The following SELENOF variants were observed in gnomAD, a reference collection of about 807,000 sequenced individuals.
SELENOF encodes the protein 15 kDa selenoprotein.
SELENOF carries 16 observed loss-of-function variants against 20.5 expected under a neutral mutation model. The ratio of observed to expected loss-of-function variants is 0.78; its 90% confidence interval spans 0.53 to 1.19. The LOEUF (loss-of-function observed/expected upper bound fraction) is 1.19. SELENOF is among the 50% of genes most tolerant of loss of function. The pLI is 0.00. For missense variants in SELENOF, 215 were observed against 194.2 expected, an observed-to-expected ratio of 1.11 and a Z score of -0.64; for synonymous variants, 78 against 74.5, an observed-to-expected ratio of 1.05 and a Z score of -0.24.
intron 3 of SELENOF, among the ~76,000 whole-genome samples, chr1:86,872,360 TTTTTG>T (rs1444126482): frequency 6.6e-6 from 1 of 152,102 alleles, no homozygotes; most frequent in African/African-American, 2.4e-5. Flanking sequence ...TCTGGCTCTT[TTTTTG>T]TTTTGTTTTG....
chr1:86,894,582 G>C (rs891812563), intron 2 of SELENOF, among the ~76,000 whole-genome samples: 4 of 152,150 alleles, frequency 2.6e-5, no homozygotes, highest in Non-Finnish European at 5.9e-5. Flanking sequence ...GTTTATGCTT[G>C]TAATCCCAGT....
At chr1:86,913,935 C>T (rs1358843750) in intron 1 of SELENOF, 93 bp downstream of exon 1, 1 of 1,213,656 alleles carries the variant, frequency 8.2e-7, no homozygotes, top group Non-Finnish European at 1.2e-6. Flanking sequence ...CAGTCCTCCC[C>T]ACCCTTTTCA....
In SELENOF at chr1:86,887,177, T is replaced by C. The variant is rs72945898; in HGVS notation, c.253-6452A>G. 279 of 1,543,080 alleles carry C rather than the reference T, an allele frequency of 1.8e-4. No homozygotes were observed. The African/African-American group carries it at 3.3e-3, about 18-fold the overall frequency. On this transcript the variant is annotated intron_variant, in intron 2 of 4. Transcript: ENST00000331835. ...TCACTTTGAGTGATGGCATTCTTGCTTAGAAACAATGGATGAATACTGAGG... is the reference window on the plus strand; with the variant it reads ...TCACTTTGAGTGATGGCATTCTTGCCTAGAAACAATGGATGAATACTGAGG...
Position 86,903,270 on chromosome 1 carries a change from G to A in SELENOF, c.252+11C>T. 1 of 1,604,524 alleles carries A rather than the reference G, an allele frequency of 6.2e-7. No individual in the cohort carries two copies. Among genetic ancestry groups the A allele is most frequent in the African/African-American group, 1.3e-5 (1 of 74,744 alleles). On this transcript the variant is annotated intron_variant, in intron 2 of 4. Transcript: ENST00000331835. ...ACCATCCAATGGAAGGAATATACTA[G>A]AAAACAGTACCTTTTTGGTTTCAAA...
intron 2 of SELENOF, among the ~76,000 whole-genome samples, chr1:86,896,521 A>C (rs1659531814): frequency 6.6e-6 from 1 of 152,234 alleles, no homozygotes; most frequent in Admixed American, 6.5e-5. Flanking sequence ...AACAGAAAAA[A>C]TATTTATATG....
In SELENOF at chr1:86,862,618, AT is replaced by A. The variant is rs1658483346; in HGVS notation, c.*855del. 6.6e-6 allele frequency: 1 copy of A among 152,186 alleles called. No individual in the cohort carries two copies. The highest frequency in any genetic ancestry group is 2.1e-4 in the South Asian group (1 of 4,832). 9.4% of individuals were successfully genotyped at this position (152,186 alleles called of 1,614,324 possible). A position where few individuals can be genotyped will look rare whatever the true frequency, so the allele number is the denominator to read the frequency against. On this transcript the variant is annotated 3_prime_UTR_variant, in exon 5 of 5. Coordinates refer to ENST00000331835, the MANE Select transcript of SELENOF (RefSeq NM_004261.5). Reference sequence around the variant, plus strand: ...GTTATAAGTTTTAAATATTACAGCCATTTTTACATTTTGGCTAAAAAAAGGG... The same window carrying A: ...GTTATAAGTTTTAAATATTACAGCCATTTTACATTTTGGCTAAAAAAAGGG...
At chr1:86,873,062 A>C (rs1251235273) in intron 3 of SELENOF, among the ~76,000 whole-genome samples, 1 of 83,668 alleles carries the variant, frequency 1.2e-5, no homozygotes, top group African/African-American at 8.0e-5. Context: ...TAAATAAATA[A>C]ATAAATAAAT....
At chr1:86,876,062 CTT>C (rs1039428833) in intron 3 of SELENOF, among the ~76,000 whole-genome samples, 2 of 151,182 alleles carry the variant, frequency 1.3e-5, no homozygotes, top group African/African-American at 4.9e-5. Flanking sequence ...AGAAGGGTCT[CTT>C]TTGGTTGTTG....
rs36124875 is a variant in SELENOF at position 86,910,702 on chromosome 1, C to CAA, written c.84+3324_84+3325dup. ...CTGGCAACAGAGCAAGACTCCATATCAAAAAAAAAAAAAAAAAAAGGTTTC... is the reference window on the plus strand; with the variant it reads ...CTGGCAACAGAGCAAGACTCCATATCAAAAAAAAAAAAAAAAAAAAAGGTTTC... On this transcript the variant is annotated intron_variant, in intron 1 of 4. Transcript: ENST00000331835. Among the ~76,000 whole-genome samples the CAA allele has an allele frequency of 9.3e-4, 77 of 82,776 alleles. 1 individual carries two copies. Among genetic ancestry groups the CAA allele is most frequent in the African/African-American group, 2.9e-3 (71 of 24,710 alleles). The allele number at this position is 82,776 out of a possible 152,430, so 54.3% of individuals were successfully genotyped here. A position where few individuals can be genotyped will look rare whatever the true frequency, so the allele number is the denominator to read the frequency against.
intron 3 of SELENOF, among the ~76,000 whole-genome samples, chr1:86,871,212 C>T (rs1295923972): frequency 2.0e-5 from 3 of 152,142 alleles, no homozygotes; most frequent in Non-Finnish European, 4.4e-5. Flanking sequence ...AATGTCAATA[C>T]ATCTACAGTC....
In SELENOF at chr1:86,863,450, G is replaced by T; in HGVS notation, c.*24C>A. On this transcript the variant is annotated 3_prime_UTR_variant, in exon 5 of 5. Coordinates refer to ENST00000331835, the MANE Select transcript of SELENOF (RefSeq NM_004261.5). ...ATTTCATTTGATAAGGTAACAAAAG[G>T]ATAGGACAAAATTTAAGCAAGATTT... 1 of 1,598,996 alleles carries T rather than the reference G, an allele frequency of 6.3e-7. No homozygotes were observed. The highest frequency in any genetic ancestry group is 1.1e-5 in the South Asian group (1 of 88,944).
chr1:86,885,686 T>C (rs1659194378), intron 2 of SELENOF, among the ~76,000 whole-genome samples: 1 of 152,064 alleles, frequency 6.6e-6, no homozygotes, highest in Admixed American at 6.6e-5. Flanking sequence ...TTAAGTTGAG[T>C]CAAACTAAAT....
intron 3 of SELENOF, among the ~76,000 whole-genome samples, chr1:86,871,676 A>C (rs573652583): frequency 8.5e-5 from 13 of 152,350 alleles, no homozygotes; most frequent in African/African-American, 3.1e-4. Context: ...CACTGTATTT[A>C]ATTTCTCAAT....
At chr1:86,866,905 T>C (rs1397433428) in intron 4 of SELENOF, among the ~76,000 whole-genome samples, 1 of 152,234 alleles carries the variant, frequency 6.6e-6, no homozygotes, top group African/African-American at 2.4e-5. Flanking sequence ...TGCAGTTTCT[T>C]ACAAAGTTAA....
chr1:86,875,495 C>T (rs775896657), intron 3 of SELENOF, among the ~76,000 whole-genome samples: 1 of 152,166 alleles, frequency 6.6e-6, no homozygotes, highest in Non-Finnish European at 1.5e-5. Flanking sequence ...AATGGAAACA[C>T]AGGCTTTTCA....
At chr1:86,896,181 T>C (rs1008243831) in intron 2 of SELENOF, among the ~76,000 whole-genome samples, 3 of 148,626 alleles carry the variant, frequency 2.0e-5, no homozygotes, top group Non-Finnish European at 3.0e-5. Context: ...CCTGGGAGGT[T>C]GCAGTGAGCT....
chr1:86,909,115 G>C (rs746998952), intron 1 of SELENOF, among the ~76,000 whole-genome samples: 10 of 152,144 alleles, frequency 6.6e-5, no homozygotes, highest in Admixed American at 3.3e-4. Context: ...TCAAGAAATT[G>C]TTCCCTCATC....
intron 2 of SELENOF, among the ~76,000 whole-genome samples, chr1:86,888,894 G>C (rs781023314): frequency 3.5e-4 from 53 of 152,160 alleles, no homozygotes; most frequent in Admixed American, 1.5e-3. Flanking sequence ...TGATCCACCC[G>C]CCTTGGCCTC....
chr1:86,889,599 C>T (rs1242729188), intron 2 of SELENOF, among the ~76,000 whole-genome samples: 1 of 151,954 alleles, frequency 6.6e-6, no homozygotes, highest in Admixed American at 6.6e-5. Context: ...ATCTCAAAAA[C>T]AAACAAACAA....
Sources: gnomAD v4.1 joint callset for allele counts (sites outside exome capture counted in the v4.1 genomes callset) on GRCh38, gnomAD v4.1.1 for gene constraint, MANE v1.5 for transcripts, NCBI Gene and HGNC (gene_info 2026-07-23, HGNC 2026-07-21) for gene names.